SYT16: variants seen among roughly 807,000 people sequenced by gnomAD.
The protein encoded by SYT16 is synaptotagmin 16.
Under a neutral mutation model 61.4 loss-of-function variants are expected in SYT16, and 42 were observed. The ratio of observed to expected loss-of-function variants is 0.68; its 90% CI spans 0.53 to 0.89. The LOEUF is 0.89. Ranked by LOEUF, SYT16 falls within the 40% of genes least tolerant of loss-of-function variation. The pLI, the probability that SYT16 is intolerant of heterozygous loss-of-function variation, is 0.00. For missense variants in SYT16, 804 were observed against 807.3 expected, an observed-to-expected ratio of 1.00 and a Z score of 0.05; for synonymous variants, 314 against 302.3, an observed-to-expected ratio of 1.04 and a Z score of -0.40.
At chr14:61,875,310 G>A (rs1033515556) in intron 1 of SYT16, among the ~76,000 whole-genome samples, 1 of 152,114 alleles carries the variant, frequency 6.6e-6, no homozygotes, top group Non-Finnish European at 1.5e-5. Context: ...ACCTTTCTAT[G>A]TTTGGTTACA....
chr14:61,968,781 G>A (rs1186474056), intron 1 of SYT16, among the ~76,000 whole-genome samples: 8 of 152,172 alleles, frequency 5.3e-5, no homozygotes, highest in Admixed American at 1.3e-4. Context: ...TCAACCAAGC[G>A]CTGTGACTGC....
chr14:61,832,065 G>A (rs901765735), intron 1 of SYT16: 1 of 717,678 alleles, frequency 1.4e-6, no homozygotes, highest in Non-Finnish European at 2.6e-6. Flanking sequence ...GCCCACAACC[G>A]TCTTCCACTC....
intron 3 of SYT16, among the ~76,000 whole-genome samples, chr14:62,048,941 A>G (rs1475442094): frequency 1.3e-5 from 2 of 152,180 alleles, no homozygotes; most frequent in South Asian, 2.1e-4. Flanking sequence ...GCTGAAAAGA[A>G]TGTATATTCT....
At chr14:61,838,066 T>C (rs531827275) in intron 1 of SYT16, among the ~76,000 whole-genome samples, 97 of 152,358 alleles carry the variant, frequency 6.4e-4, no homozygotes, top group African/African-American at 2.2e-3. Flanking sequence ...GTCAATGTTA[T>C]GTCTCAAAGC....
chr14:62,003,983 T>C (rs1205648997), intron 3 of SYT16, among the ~76,000 whole-genome samples: 1 of 152,170 alleles, frequency 6.6e-6, no homozygotes, highest in Non-Finnish European at 1.5e-5. Flanking sequence ...CCTGACATTT[T>C]CAGGGATGGA....
chr14:61,912,172 T>C (rs1174413793), intron 1 of SYT16, among the ~76,000 whole-genome samples: 4 of 152,226 alleles, frequency 2.6e-5, no homozygotes, highest in African/African-American at 7.2e-5. Context: ...ACATGTCCCA[T>C]GCTGGGAGAC....
At chr14:61,842,383 TG>T in intron 1 of SYT16, among the ~76,000 whole-genome samples, 1 of 152,306 alleles carries the variant, frequency 6.6e-6, no homozygotes, top group Non-Finnish European at 1.5e-5. Flanking sequence ...TGAGTTCGAT[TG>T]CTTTGAATTT....
intron 1 of SYT16, among the ~76,000 whole-genome samples, chr14:61,864,028 G>A (rs2047050401): frequency 6.6e-6 from 1 of 152,174 alleles, no homozygotes; most frequent in Non-Finnish European, 1.5e-5. Flanking sequence ...TTGAAGTTGG[G>A]TAGTATCAGT....
chr14:62,011,828 A>G (rs1217230356), intron 3 of SYT16, among the ~76,000 whole-genome samples: 1 of 147,566 alleles, frequency 6.8e-6, no homozygotes, highest in Non-Finnish European at 1.5e-5. Context: ...CCTATTTCTC[A>G]GTGCTTATGG....
At chr14:62,081,943 G>A (rs536483466) in intron 6 of SYT16, among the ~76,000 whole-genome samples, 1 of 152,246 alleles carries the variant, frequency 6.6e-6, no homozygotes, top group Non-Finnish European at 1.5e-5. Context: ...GTCAATTATG[G>A]TATAGGCAAA....
intron 1 of SYT16, among the ~76,000 whole-genome samples, chr14:61,813,804 A>T (rs896594984): frequency 1.4e-4 from 18 of 130,488 alleles, no homozygotes; most frequent in Middle Eastern, 3.9e-3. Flanking sequence ...TTTGGAAGGT[A>T]TTTTTTTTTT....
chr14:62,059,945 T>C (rs1162949088), intron 3 of SYT16, among the ~76,000 whole-genome samples: 1 of 152,058 alleles, frequency 6.6e-6, no homozygotes, highest in Non-Finnish European at 1.5e-5. Context: ...TGGCACTATT[T>C]CTGGACTCTG....
chr14:61,916,963 G>A lies in SYT16; in HGVS notation c.-324-53169G>A, dbSNP rs373495446. On this transcript the variant is annotated intron_variant, in intron 1 of 7. Coordinates refer to ENST00000683842, the MANE Select transcript of SYT16 (RefSeq NM_001367656.1). The stretch of plus-strand genomic sequence containing the variant: ...AAATAGTATTTTATTGTGTATATAT[G>A]ACACATTTTCTTTATCCAGTCATCT... Among the ~76,000 whole-genome samples the A allele has an allele frequency of 4.3e-4, 66 of 152,164 alleles. 1 individual carries two copies. The highest frequency in any genetic ancestry group is 1.5e-3 in the African/African-American group (63 of 41,534).
At position 61,991,731 on chromosome 14, in the gene SYT16, CA is replaced by C. The variant is rs143646768; in HGVS notation, c.-144-4139del. Among the ~76,000 whole-genome samples, 323 of 152,136 alleles carry C rather than the reference CA, an allele frequency of 2.1e-3. 1 individual carries two copies. Among genetic ancestry groups the C allele is most frequent in the African/African-American group, 7.5e-3 (310 of 41,514 alleles). ...GGGATCATCTCACAATGGTTATTGACAAAAAAGTACAGAACTATTCCATGAA... is the reference window on the plus strand; with the variant it reads ...GGGATCATCTCACAATGGTTATTGACAAAAAGTACAGAACTATTCCATGAA... On this transcript the variant is annotated intron_variant, in intron 2 of 7. Coordinates refer to ENST00000683842, the MANE Select transcript of SYT16 (RefSeq NM_001367656.1).
intron 3 of SYT16, among the ~76,000 whole-genome samples, chr14:61,999,427 T>C (rs887115959): frequency 6.6e-6 from 1 of 151,804 alleles, no homozygotes; most frequent in African/African-American, 2.4e-5. Context: ...ACTTTTTAAA[T>C]GTTGTTAGGA....
At chr14:61,877,996 A>G (rs74333210) in intron 1 of SYT16, among the ~76,000 whole-genome samples, 1,863 of 152,230 alleles carry the variant, frequency 0.012, 15 homozygotes, top group Middle Eastern at 0.034. Context: ...GGGCACACAG[A>G]CACACACTGC....
intron 5 of SYT16, chr14:62,079,264 A>G (rs2056620593): frequency 7.0e-6 from 5 of 712,622 alleles, no homozygotes; most frequent in Non-Finnish European, 9.3e-6. Context: ...AGAAACACTC[A>G]CGCATGATTG....
intron 1 of SYT16, among the ~76,000 whole-genome samples, chr14:61,945,854 TC>T (rs1282143803): frequency 1.9e-4 from 8 of 42,296 alleles, no homozygotes; most frequent in African/African-American, 8.3e-4. Context: ...AGACTCCGTC[TC>T]AAAAAAAAAA....
rs2053764615 is a variant in SYT16, at chr14:62,018,077, G to A, written c.523+21535G>A. ...TCTCCCTCTCATGTGGTCTGTTTTC[G>A]ACATAGTGCATTCCTTTTAAACTTA... is the stretch of plus-strand genomic sequence containing the variant. On this transcript the variant is annotated intron_variant, in intron 3 of 7. Transcript: ENST00000683842. Among the ~76,000 whole-genome samples, 3 of 152,080 alleles carry A rather than the reference G, an allele frequency of 2.0e-5. No homozygotes were observed. In the South Asian group the frequency reaches 6.2e-4, roughly 32 times the overall value.
Sources: gnomAD v4.1 joint callset for allele counts (sites outside exome capture counted in the v4.1 genomes callset) on GRCh38, gnomAD v4.1.1 for gene constraint, MANE v1.5 for transcripts, NCBI Gene and HGNC (gene_info 2026-07-23, HGNC 2026-07-21) for gene names.